Variants in UBE2L3 observed in about 807,000 individuals in gnomAD.
The protein encoded by UBE2L3 is ubiquitin-conjugating enzyme E2 L3.
In UBE2L3, 1 loss-of-function variant was observed where a neutral mutation model predicts 17.8. That is an observed-to-expected ratio of 0.06 (90% confidence interval 0.02 to 0.27). UBE2L3 has a LOEUF of 0.27. Ranked by LOEUF, UBE2L3 falls within the 10% of genes least tolerant of loss-of-function variation. UBE2L3 has a pLI of 1.00. For synonymous variants in UBE2L3, 44 were observed against 68.5 expected (o/e 0.64, Z 1.76); for missense variants, 40 against 192.6 (o/e 0.21, Z 4.69).
At chr22:21,614,442 A>G (rs1022103308) in intron 3 of UBE2L3, 11 of 546,548 alleles carry the variant, frequency 2.0e-5, no homozygotes, top group African/African-American at 2.0e-4. Flanking sequence ...AAAAAAAAAG[A>G]AAGAAAGAAA....
chr22:21,595,663 T>G (rs1252993471), intron 2 of UBE2L3, among the ~76,000 whole-genome samples: 1 of 152,376 alleles, frequency 6.6e-6, no homozygotes, highest in East Asian at 1.9e-4. Flanking sequence ...TTTGTTTTTC[T>G]GTAATTTTTT....
At chr22:21,582,978 C>T (rs1457291680) in intron 1 of UBE2L3, among the ~76,000 whole-genome samples, 2 of 152,174 alleles carry the variant, frequency 1.3e-5, no homozygotes, top group Admixed American at 6.5e-5. Flanking sequence ...TCCTTCTCCC[C>T]TGTACCCATC....
intron 1 of UBE2L3, among the ~76,000 whole-genome samples, chr22:21,555,715 T>G (rs1266287486): frequency 6.6e-6 from 1 of 152,224 alleles, no homozygotes; most frequent in Non-Finnish European, 1.5e-5. Context: ...GTGGATCACT[T>G]GAGATCAGGA....
At chr22:21,573,702 G>C (rs547938253) in intron 1 of UBE2L3, among the ~76,000 whole-genome samples, 1 of 152,320 alleles carries the variant, frequency 6.6e-6, no homozygotes, top group African/African-American at 2.4e-5. Flanking sequence ...AGGGCTGTGG[G>C]CAGTGCCTAT....
chr22:21,602,874 G>T (rs777532282), intron 2 of UBE2L3, among the ~76,000 whole-genome samples: 4 of 152,268 alleles, frequency 2.6e-5, no homozygotes, highest in African/African-American at 4.8e-5. Flanking sequence ...CTGCAGATGT[G>T]GGGGGTTGTG....
At chr22:21,615,166 AAAAC>A (rs1394939638) in intron 3 of UBE2L3, among the ~76,000 whole-genome samples, 1 of 152,128 alleles carries the variant, frequency 6.6e-6, no homozygotes, top group Non-Finnish European at 1.5e-5. Flanking sequence ...AAAACAAAAC[AAAAC>A]AAACAACAAA....
intron 3 of UBE2L3, among the ~76,000 whole-genome samples, chr22:21,612,406 A>C (rs1436334730): frequency 6.6e-6 from 1 of 151,770 alleles, no homozygotes; most frequent in Non-Finnish European, 1.5e-5. Context: ...GCTCACTGCA[A>C]CCTCCGCCTC....
intron 1 of UBE2L3, among the ~76,000 whole-genome samples, chr22:21,587,898 C>T (rs1173897889): frequency 2.0e-5 from 3 of 152,174 alleles, no homozygotes; most frequent in Admixed American, 2.0e-4. Flanking sequence ...TGGGCTTTTT[C>T]AGTTCCCCTC....
upstream of UBE2L3, chr22:21,567,552 C>G (rs968303169): frequency 7.8e-7 from 1 of 1,283,026 alleles, no homozygotes; most frequent in African/African-American, 1.5e-5. Context: ...TCCGTAAACG[C>G]TGAGGCCCAG....
intron 1 of UBE2L3, among the ~76,000 whole-genome samples, chr22:21,576,703 G>A (rs1167189742): frequency 6.6e-6 from 1 of 151,990 alleles, no homozygotes. Context: ...CAAAATTCTA[G>A]GATTACAGAT....
chr22:21,594,010 T>G (rs1338390363), intron 2 of UBE2L3, among the ~76,000 whole-genome samples: 1 of 152,232 alleles, frequency 6.6e-6, no homozygotes, highest in East Asian at 1.9e-4. Flanking sequence ...CCCCGGAAGC[T>G]GCACCATCTG....
At chr22:21,575,832 C>T (rs907221904) in intron 1 of UBE2L3, among the ~76,000 whole-genome samples, 2 of 150,864 alleles carry the variant, frequency 1.3e-5, no homozygotes, top group African/African-American at 2.4e-5. Context: ...TTAGTAGAGA[C>T]GGGGTTTCTC....
intron 1 of UBE2L3, among the ~76,000 whole-genome samples, chr22:21,592,506 C>G (rs1928318639): frequency 6.6e-6 from 1 of 152,014 alleles, no homozygotes; most frequent in Non-Finnish European, 1.5e-5. Flanking sequence ...AGGATAGCTC[C>G]TGCCACATGT....
At chr22:21,586,294 T>C (rs554788955) in intron 1 of UBE2L3, among the ~76,000 whole-genome samples, 2 of 152,216 alleles carry the variant, frequency 1.3e-5, no homozygotes, top group South Asian at 2.1e-4. Flanking sequence ...AGTCTCACTC[T>C]GGGAGTCTGC....
At chr22:21,615,759 C>G (rs1929738253) in intron 3 of UBE2L3, among the ~76,000 whole-genome samples, 1 of 152,142 alleles carries the variant, frequency 6.6e-6, no homozygotes, top group Non-Finnish European at 1.5e-5. Context: ...TGCAGAGCAG[C>G]AAAAAATTTG....
chr22:21,595,397 G>A (rs141897219), intron 2 of UBE2L3, among the ~76,000 whole-genome samples: 3 of 152,198 alleles, frequency 2.0e-5, no homozygotes, highest in Admixed American at 6.5e-5. Context: ...CATTGGACGG[G>A]CTGGGCCAGC....
At chr22:21,600,547 T>C (rs1928799815) in intron 2 of UBE2L3, among the ~76,000 whole-genome samples, 1 of 150,808 alleles carries the variant, frequency 6.6e-6, no homozygotes, top group African/African-American at 2.4e-5. Flanking sequence ...AATATAAAAA[T>C]TAGCCGGGCG....
At chr22:21,579,808 C>G (rs1568974141) in intron 1 of UBE2L3, among the ~76,000 whole-genome samples, 1 of 152,066 alleles carries the variant, frequency 6.6e-6, no homozygotes, top group African/African-American at 2.4e-5. Context: ...AGTGTCATTG[C>G]TAACGGTTGT....
chr22:21,562,728 A>G (rs1295431863), upstream of UBE2L3, among the ~76,000 whole-genome samples: 2 of 137,108 alleles, frequency 1.5e-5, no homozygotes, highest in Non-Finnish European at 3.0e-5. Flanking sequence ...CGTGTTCTCA[A>G]TCTCCTGACC....
Sources: gnomAD v4.1 joint callset for allele counts (sites outside exome capture counted in the v4.1 genomes callset) on GRCh38, gnomAD v4.1.1 for gene constraint, MANE v1.5 for transcripts, NCBI Gene and HGNC (gene_info 2026-07-23, HGNC 2026-07-21) for gene names.